The following E2F6 variants were observed in gnomAD, a reference collection of about 807,000 sequenced individuals.
E2F6 encodes the protein E2F transcription factor 6, also known as transcription factor E2F6.
Under a neutral mutation model 31.5 loss-of-function variants are expected in E2F6, and 19 were observed. The ratio of observed to expected loss-of-function variants is 0.60; its 90% CI spans 0.42 to 0.89. The LOEUF (loss-of-function observed/expected upper bound fraction) is 0.89, where lower values mean the gene tolerates loss of function less well. E2F6 is among the 40% of genes least tolerant of loss of function. The pLI, the probability that E2F6 is intolerant of heterozygous loss-of-function variation, is 0.00. For missense variants in E2F6, 269 were observed against 341.6 expected, an observed-to-expected ratio of 0.79 and a Z score of 1.67; for synonymous variants, 121 against 127.7, an observed-to-expected ratio of 0.95 and a Z score of 0.36.
In E2F6 at chr2:11,466,153, C is replaced by G; in HGVS notation, c.-274G>C. The stretch of plus-strand genomic sequence containing the variant: ...CCGGCCCGCCATCTTCCCGCATGCG[C>G]AGTACACCGCCCCCCTCTGCGCATG... On this transcript the variant is annotated 5_prime_UTR_variant, in exon 1 of 7. Transcript: ENST00000381525. The G allele has an allele frequency of 2.4e-6, 1 of 418,134 alleles. No homozygotes were observed. The highest frequency in any genetic ancestry group is 4.3e-6 in the Non-Finnish European group (1 of 234,796). The allele number at this position is 418,134 out of a possible 1,614,324, so 25.9% of individuals were successfully genotyped here.
At chr2:11,456,970 A>G in intron 2 of E2F6, 1 of 507,414 alleles carries the variant, frequency 2.0e-6, no homozygotes. Flanking sequence ...TTAAATACAG[A>G]CTGTTCTATG....
At position 11,453,185 on chromosome 2, in the gene E2F6, T is replaced by A. The variant is rs76512169; in HGVS notation, c.380+397A>T. 5.3e-5 allele frequency among the ~76,000 whole-genome samples: 8 copies of A among 152,014 alleles called. No homozygotes were observed. In the East Asian group the frequency reaches 9.7e-4, roughly 18 times the overall value. ...GACACTGTCTGATTTTTTTTTTTTT[T>A]AATATTCAGGGCAGTATTTTAAACA... On this transcript the variant is annotated intron_variant, in intron 3 of 6. Coordinates refer to ENST00000381525, the MANE Select transcript of E2F6 (RefSeq NM_198256.4).
chr2:11,458,166 G>T, intron 1 of E2F6: 1 of 1,046,070 alleles, frequency 9.6e-7, no homozygotes, highest in Non-Finnish European at 1.5e-6. Context: ...ATCAGGTTTA[G>T]CTCTTATCTA....
chr2:11,462,181 T>C (rs1023408159), intron 1 of E2F6, among the ~76,000 whole-genome samples: 11 of 152,186 alleles, frequency 7.2e-5, no homozygotes, highest in African/African-American at 2.7e-4. Flanking sequence ...GGTCTGTCTC[T>C]CTGGAGAGCC....
chr2:11,454,441 G>A (rs1427808960), intron 2 of E2F6, among the ~76,000 whole-genome samples: 1 of 150,494 alleles, frequency 6.6e-6, no homozygotes, highest in Non-Finnish European at 1.5e-5. Flanking sequence ...TGCAACCTCC[G>A]CCTCCAGGGT....
chr2:11,456,723 T>C (rs1374540200), intron 2 of E2F6, among the ~76,000 whole-genome samples: 3 of 152,146 alleles, frequency 2.0e-5, no homozygotes, highest in Non-Finnish European at 4.4e-5. Flanking sequence ...GGGCAGGCAC[T>C]GAGGCAAAAC....
At chr2:11,458,488 G>T in intron 1 of E2F6, 1 of 811,686 alleles carries the variant, frequency 1.2e-6, no homozygotes, top group African/African-American at 1.7e-5. Flanking sequence ...GAAGCTGGGA[G>T]GGCATGCTGG....
chr2:11,448,704 C>T (rs1670874953), intron 5 of E2F6, among the ~76,000 whole-genome samples: 1 of 152,194 alleles, frequency 6.6e-6, no homozygotes, highest in Non-Finnish European at 1.5e-5. Context: ...CAATAACATT[C>T]CACTAAATTA....
intron 3 of E2F6, among the ~76,000 whole-genome samples, chr2:11,453,227 T>C (rs1450039232): frequency 6.6e-6 from 1 of 152,088 alleles, no homozygotes; most frequent in Non-Finnish European, 1.5e-5. Context: ...TACGTCATAA[T>C]CTCCTGGGCT....
At chr2:11,455,532 G>A (rs1267898738) in intron 2 of E2F6, 11 of 1,123,596 alleles carry the variant, frequency 9.8e-6, no homozygotes, top group Non-Finnish European at 1.3e-5. Flanking sequence ...CGGAAGTAGA[G>A]GGTCACAATT....
At chr2:11,453,865 ATC>A (rs1671229384) in intron 2 of E2F6, 67 bp from the exon 3 acceptor site, 16 of 1,384,536 alleles carry the variant, frequency 1.2e-5, no homozygotes, top group South Asian at 2.6e-5. Flanking sequence ...TTTAAAAATC[ATC>A]TGTTTCCTCT....
At chr2:11,447,190 G>A (rs1416858267) in intron 6 of E2F6, among the ~76,000 whole-genome samples, 3 of 152,208 alleles carry the variant, frequency 2.0e-5, no homozygotes, top group African/African-American at 7.2e-5. Context: ...CCTTAGAAAT[G>A]TGCAACTGAG....
chr2:11,457,847 T>C (rs1237165841), intron 1 of E2F6, among the ~76,000 whole-genome samples: 1 of 152,198 alleles, frequency 6.6e-6, no homozygotes. Flanking sequence ...TTATAATTAA[T>C]GTAAAAACAG....
chr2:11,449,370 G>T (rs1670920795), intron 5 of E2F6, among the ~76,000 whole-genome samples: 1 of 152,200 alleles, frequency 6.6e-6, no homozygotes, highest in Non-Finnish European at 1.5e-5. Context: ...GCTGCACTGT[G>T]AGCACCGATG....
At chr2:11,456,662 A>G (rs182655673) in intron 2 of E2F6, among the ~76,000 whole-genome samples, 149 of 152,348 alleles carry the variant, frequency 9.8e-4, no homozygotes, top group Non-Finnish European at 1.6e-4. Flanking sequence ...TGCAAGAAAC[A>G]CATCAAAGGT....
Position 11,447,658 on chromosome 2 carries a change from A to C in E2F6, c.768T>G (p.Ser256=). ...KRSEGVGTSS[S]ESTHPEGPEE... ...CAGGGCCTTCTGGATGAGTGCTCTC[A>C]GATGAAGAGGTCCCGACACCTTCAG... Residue 256 remains serine, a synonymous_variant, in exon 6 of 7, where the codon TCT becomes TCG. Coordinates refer to ENST00000381525, the MANE Select transcript of E2F6 (RefSeq NM_198256.4). 2 of 1,612,052 alleles carry C rather than the reference A, an allele frequency of 1.2e-6. No individual in the cohort carries two copies. Among genetic ancestry groups the C allele is most frequent in the South Asian group, 1.1e-5 (1 of 90,996 alleles).
Position 11,451,958 on chromosome 2 carries a change from T to C in E2F6, c.381-152A>G, listed in dbSNP as rs947503963. ...CTTTTAACTTCTGCCGTCTTTGTTC[T>C]AGACAGCCATTATTCCTTCTGTACA... On this transcript the variant is annotated intron_variant, in intron 3 of 6. Transcript: ENST00000381525. 33 of 715,414 alleles carry C rather than the reference T, an allele frequency of 4.6e-5. No individual in the cohort carries two copies. The African/African-American group carries it at 5.4e-4, about 12-fold the overall frequency. 44.3% of individuals were successfully genotyped at this position (715,414 alleles called of 1,614,324 possible).
rs1297451574 is a variant in E2F6 at position 11,465,871 on chromosome 2, C to T, written c.9G>A (p.Gln3=). Residue 3 remains glutamine (Q), a synonymous_variant, in exon 1 of 7, where the codon CAG becomes CAA. Transcript: ENST00000381525. ...TGGGTAACTTCCTCGCCGGCCGCTG[C>T]TGACTCATGCTGCCCGGCCGGGCGT... MS[Q]QRPARKLPSL... 8 of 1,557,410 alleles carry T rather than the reference C, an allele frequency of 5.1e-6. No individual in the cohort carries two copies. The highest frequency in any genetic ancestry group is 6.1e-6 in the Non-Finnish European group (7 of 1,151,294).
At chr2:11,452,669 C>T (rs1671146324) in intron 3 of E2F6, among the ~76,000 whole-genome samples, 1 of 151,678 alleles carries the variant, frequency 6.6e-6, no homozygotes, top group Non-Finnish European at 1.5e-5. Context: ...ATGATATGAC[C>T]AGGCAACAAC....
Sources: allele counts gnomAD v4.1 joint callset (sites outside exome capture counted in the v4.1 genomes callset), GRCh38; gene constraint gnomAD v4.1.1; transcripts MANE v1.5; gene names NCBI Gene and HGNC (gene_info 2026-07-23, HGNC 2026-07-21).